PTCH1: variants seen among roughly 807,000 people sequenced by gnomAD.
PTCH1 encodes patched 1, also known as protein patched homolog 1.
PTCH1 carries 14 observed loss-of-function variants against 144.6 expected under a neutral mutation model. The observed-to-expected ratio is 0.10, with a 90% CI of 0.06 to 0.15. PTCH1 has a LOEUF of 0.15. PTCH1 is among the 10% of genes least tolerant of loss of function. PTCH1 has a pLI of 1.00. For synonymous variants in PTCH1, 833 were observed against 793.6 expected (o/e 1.05, Z -0.83); for missense variants, 1,623 against 1,948.3 (o/e 0.83, Z 3.14).
intron 1 of PTCH1, 124 bp downstream of exon 1, chr9:95,508,037 G>A: frequency 1.6e-6 from 2 of 1,248,042 alleles, no homozygotes; most frequent in South Asian, 2.6e-5. Context: ...GGAGAGGTGT[G>A]AGTGAGTGTG....
At chr9:95,514,452 G>C (rs1052966246) in intron 1 of PTCH1, 10 of 152,204 alleles carry the variant, frequency 6.6e-5, no homozygotes, top group African/African-American at 2.2e-4. Context: ...TTGACCCACT[G>C]CTGGAGCAAC....
chr9:95,473,039 A>G (rs149488659), intron 12 of PTCH1, among the ~76,000 whole-genome samples: 15 of 152,358 alleles, frequency 9.8e-5, no homozygotes, highest in Admixed American at 3.9e-4. Context: ...GAACCCTCCT[A>G]GACCAGACAG....
chr9:95,457,780 C>T (rs532408956), intron 18 of PTCH1, among the ~76,000 whole-genome samples: 16 of 151,978 alleles, frequency 1.1e-4, no homozygotes, highest in African/African-American at 3.6e-4. Flanking sequence ...TTAAAAAGTC[C>T]CCTATCTTTC....
In PTCH1 at chr9:95,508,854, G is replaced by A. The variant is rs1327323280; in HGVS notation, c.-493C>T. On this transcript the variant is annotated 5_prime_UTR_variant, in exon 1 of 24. Transcript: ENST00000331920. The stretch of plus-strand genomic sequence containing the variant: ...TCTCGGCGCCTCCCGGGTCGCCCGA[G>A]CGGCCGCGGAGGGCAAGCGCAGAGC... The A allele has an allele frequency of 3.1e-6, 3 of 982,960 alleles. No individual in the cohort carries two copies. In the African/African-American group the frequency reaches 5.3e-5, roughly 17 times the overall value. The allele number at this position is 982,960 out of a possible 1,614,324, so 60.9% of individuals were successfully genotyped here. A position where few individuals can be genotyped will look rare whatever the true frequency, so the allele number is the denominator to read the frequency against.
Position 95,468,987 on chromosome 9 carries a change from T to C in PTCH1, c.2014A>G (p.Thr672Ala), listed in dbSNP as rs1166037534. 6.2e-7 allele frequency: 1 copy of C among 1,613,478 alleles called. No homozygotes were observed. The highest frequency in any genetic ancestry group is 1.1e-5 in the South Asian group (1 of 91,022). The change falls in exon 14 of 24, where the codon ACG becomes GCG. Residue 672 changes from threonine to alanine, a missense_variant. Physicochemically the swap from Thr to Ala is moderately conservative, Grantham distance 58 (BLOSUM62 0). Coordinates refer to ENST00000331920, the MANE Select transcript of PTCH1 (RefSeq NM_000264.5). ...VQLRTEYDPH[T>A]HVYYTTAEPR... The stretch of plus-strand genomic sequence containing the variant: ...TCAGCGGTGGTGTAGTACACGTGCG[T>C]GTGGGGGTCGTACTCCGTGCGGAGC...
chr9:95,510,146 C>CT (rs887402935), upstream of PTCH1, among the ~76,000 whole-genome samples: 1 of 150,942 alleles, frequency 6.6e-6, no homozygotes, highest in Non-Finnish European at 1.5e-5. Flanking sequence ...ACAACAGAAT[C>CT]TTTTTTTACA....
chr9:95,504,874 T>C (rs921535741), intron 2 of PTCH1, among the ~76,000 whole-genome samples: 2 of 152,196 alleles, frequency 1.3e-5, no homozygotes, highest in East Asian at 3.9e-4. Flanking sequence ...CACTTGAGTC[T>C]CTTATGGTGC....
chr9:95,457,964 T>C (rs758369616), intron 18 of PTCH1, 49 bp downstream of exon 18: 3 of 1,610,136 alleles, frequency 1.9e-6, no homozygotes, highest in Non-Finnish European at 1.7e-6. Context: ...CAGAAAGAGC[T>C]ATGCTGAAAG....
rs116560286 is a variant in PTCH1, at chr9:95,487,904, T to C, written c.395-2030A>G. On this transcript the variant is annotated intron_variant, in intron 2 of 23. Transcript: ENST00000331920. ...CCCACCCTTATTATGGTGACCTAGG[T>C]GCCGTTATAGTGAGGAGCAGTCCAT... Among the ~76,000 whole-genome samples the C allele has an allele frequency of 3.7e-3, 571 of 152,290 alleles. 1 individual carries two copies. Among genetic ancestry groups the C allele is most frequent in the African/African-American group, 0.013 (545 of 41,556 alleles).
At chr9:95,501,821 G>C (rs1406855102) in intron 2 of PTCH1, among the ~76,000 whole-genome samples, 5 of 152,110 alleles carry the variant, frequency 3.3e-5, no homozygotes, top group African/African-American at 4.8e-5. Context: ...GAGGGAGATG[G>C]GTTAAAACTG....
rs777641179 is a variant in PTCH1 at position 95,447,117 on chromosome 9, G to A, written c.4139C>T (p.Ala1380Val). ...CCCAGGGACAGGCGGCGGGTGCACG[G>A]CGACAGTCACGGAGGCAGAAGCCGT... The part of the protein sequence containing the change: ...TVTASASVTV[A>V]VHPPPVPGPG... Residue 1380 changes from alanine (A) to valine (V), a missense_variant, in exon 23 of 24, where the codon GCC (alanine) becomes GTC (valine). Coordinates refer to ENST00000331920, the MANE Select transcript of PTCH1 (RefSeq NM_000264.5). 1.2e-6 allele frequency: 2 copies of A among 1,613,460 alleles called. No individual in the cohort carries two copies. The highest frequency in any genetic ancestry group is 1.7e-6 in the Non-Finnish European group (2 of 1,179,944).
chr9:95,486,487 G>T (rs368978760), intron 2 of PTCH1, among the ~76,000 whole-genome samples: 1 of 152,242 alleles, frequency 6.6e-6, no homozygotes. Context: ...CTGGAACCTG[G>T]TTCCATCAGA....
intron 12 of PTCH1, among the ~76,000 whole-genome samples, chr9:95,472,146 A>G (rs1192865886): frequency 6.6e-6 from 1 of 152,230 alleles, no homozygotes; most frequent in Non-Finnish European, 1.5e-5. Flanking sequence ...GCACCTCAGT[A>G]CTGCTGGGGT....
At chr9:95,460,430 A>G (rs1220371248) in intron 16 of PTCH1, among the ~76,000 whole-genome samples, 1 of 152,130 alleles carries the variant, frequency 6.6e-6, no homozygotes, top group Non-Finnish European at 1.5e-5. Flanking sequence ...GGCTTTGCTG[A>G]GGTGGGGAAC....
upstream of PTCH1, among the ~76,000 whole-genome samples, chr9:95,510,839 A>C (rs1408487897): frequency 6.6e-6 from 1 of 151,144 alleles, no homozygotes; most frequent in Non-Finnish European, 1.5e-5. Flanking sequence ...ACCCCGCGCC[A>C]GGAGGCCCGG....
intron 2 of PTCH1, among the ~76,000 whole-genome samples, chr9:95,488,108 A>C (rs535057055): frequency 6.6e-6 from 1 of 152,228 alleles, no homozygotes; most frequent in African/African-American, 2.4e-5. Flanking sequence ...CAACCTCATA[A>C]TGGAGCAGTT....
At chr9:95,495,873 C>T (rs1842753196) in intron 2 of PTCH1, among the ~76,000 whole-genome samples, 1 of 152,176 alleles carries the variant, frequency 6.6e-6, no homozygotes, top group South Asian at 2.1e-4. Context: ...CCCGGCCCCA[C>T]TCATCTGGAC....
chr9:95,516,905 A>C, exon 1 of PTCH1: 2 of 1,187,936 alleles, frequency 1.7e-6, no homozygotes, highest in Non-Finnish European at 2.4e-6. Flanking sequence ...CCCCTTTACA[A>C]TAAACTCAAG....
At chr9:95,469,309 G>A in intron 13 of PTCH1, 156 bp from the exon 14 acceptor site, 1 of 1,038,300 alleles carries the variant, frequency 9.6e-7, no homozygotes, top group South Asian at 1.4e-5. Context: ...ACATCGCCTG[G>A]TTGATAACAT....
Sources: gnomAD v4.1 joint callset for allele counts (sites outside exome capture counted in the v4.1 genomes callset) on GRCh38, gnomAD v4.1.1 for gene constraint, MANE v1.5 for transcripts, NCBI Gene and HGNC (gene_info 2026-07-23, HGNC 2026-07-21) for gene names.